Variants in RAB28 observed in about 807,000 individuals in gnomAD.
RAB28 encodes RAB28, member RAS oncogene family.
RAB28 carries 24 observed loss-of-function variants against 31.7 expected under a neutral mutation model. That is an observed-to-expected ratio of 0.76 (90% CI 0.55 to 1.06). RAB28 has a LOEUF of 1.06. Among genes scored for constraint, RAB28 ranks in the 50% least tolerant of loss-of-function variants. RAB28 has a pLI of 0.00. For missense variants in RAB28, 254 were observed against 258.5 expected, an observed-to-expected ratio of 0.98 and a Z score of 0.12; for synonymous variants, 100 against 90.4, an observed-to-expected ratio of 1.11 and a Z score of -0.60.
intron 1 of RAB28, among the ~76,000 whole-genome samples, chr4:13,480,452 T>A (rs1040429360): frequency 6.6e-6 from 1 of 151,912 alleles, no homozygotes. Flanking sequence ...ATAGCCGTTT[T>A]TTATTTTAAA....
At chr4:13,456,375 A>G (rs1271011709) in intron 4 of RAB28, among the ~76,000 whole-genome samples, 2 of 152,246 alleles carry the variant, frequency 1.3e-5, no homozygotes, top group African/African-American at 4.8e-5. Context: ...TACTTTTAGA[A>G]GGCCATTATG....
chr4:13,436,187 G>C (rs1168130580), intron 4 of RAB28, among the ~76,000 whole-genome samples: 1 of 151,990 alleles, frequency 6.6e-6, no homozygotes, highest in African/African-American at 2.4e-5. Flanking sequence ...CAACAAACTA[G>C]ACATCAAAGA....
At chr4:13,459,122 A>G (rs761875892) in intron 4 of RAB28, among the ~76,000 whole-genome samples, 3 of 152,130 alleles carry the variant, frequency 2.0e-5, no homozygotes, top group Non-Finnish European at 4.4e-5. Context: ...GCCCTCGAAC[A>G]TGAAACTCCA....
At chr4:13,467,512 A>T (rs1159512114) in intron 3 of RAB28, among the ~76,000 whole-genome samples, 1 of 151,964 alleles carries the variant, frequency 6.6e-6, no homozygotes, top group Admixed American at 6.6e-5. Flanking sequence ...CAGCCATGCC[A>T]TAAGGGACAA....
At chr4:13,449,944 T>C (rs1028567557) in intron 4 of RAB28, among the ~76,000 whole-genome samples, 1 of 151,902 alleles carries the variant, frequency 6.6e-6, no homozygotes, top group African/African-American at 2.4e-5. Flanking sequence ...ATGGATCAGA[T>C]AGTATAAAGG....
At chr4:13,395,325 G>A (rs908604976) in intron 4 of RAB28, among the ~76,000 whole-genome samples, 1 of 151,964 alleles carries the variant, frequency 6.6e-6, no homozygotes, top group African/African-American at 2.4e-5. Flanking sequence ...TGATTACACA[G>A]TTATTTAAAA....
chr4:13,475,654 C>A (rs1716328659), intron 2 of RAB28, among the ~76,000 whole-genome samples: 1 of 151,192 alleles, frequency 6.6e-6, no homozygotes, highest in South Asian at 2.1e-4. Flanking sequence ...GAGGAACTTC[C>A]ATTAGCATTA....
chr4:13,438,432 TC>T (rs1469624889), intron 4 of RAB28, among the ~76,000 whole-genome samples: 1 of 152,136 alleles, frequency 6.6e-6, no homozygotes, highest in African/African-American at 2.4e-5. Flanking sequence ...TACCTTTCCC[TC>T]CCCTTCTTGC....
chr4:13,483,925 C>A, intron 1 of RAB28, 151 bp downstream of exon 1: 2 of 681,038 alleles, frequency 2.9e-6, no homozygotes, highest in Non-Finnish European at 5.0e-6. Context: ...GCGCCCACTT[C>A]GTGTCCGGCC....
intron 4 of RAB28, among the ~76,000 whole-genome samples, chr4:13,420,478 C>T (rs991599497): frequency 1.3e-5 from 2 of 152,172 alleles, no homozygotes; most frequent in Non-Finnish European, 2.9e-5. Flanking sequence ...AGACCAATAT[C>T]CCTGATGAAC....
chr4:13,372,147 A>G (rs1406894697), intron 6 of RAB28, among the ~76,000 whole-genome samples: 2 of 152,134 alleles, frequency 1.3e-5, no homozygotes, highest in African/African-American at 4.8e-5. Context: ...TATTACAGAC[A>G]TTTAGGTAAA....
At chr4:13,455,381 T>G in intron 4 of RAB28, among the ~76,000 whole-genome samples, 1 of 152,134 alleles carries the variant, frequency 6.6e-6, no homozygotes, top group East Asian at 1.9e-4. Flanking sequence ...CTTACTTGAG[T>G]GTGGGCAGTG....
chr4:13,393,726 G>A (rs572101063), intron 4 of RAB28, among the ~76,000 whole-genome samples: 2 of 151,626 alleles, frequency 1.3e-5, no homozygotes, highest in African/African-American at 4.8e-5. Flanking sequence ...TTTAAAAATA[G>A]AAGATGGCAA....
intron 4 of RAB28, among the ~76,000 whole-genome samples, chr4:13,409,159 T>C (rs544393023): frequency 6.6e-6 from 1 of 152,256 alleles, no homozygotes; most frequent in East Asian, 1.9e-4. Context: ...CAAACAATTC[T>C]GCCTATTTCG....
chr4:13,440,170 T>C (rs1253416872), intron 4 of RAB28, among the ~76,000 whole-genome samples: 1 of 152,224 alleles, frequency 6.6e-6, no homozygotes, highest in Non-Finnish European at 1.5e-5. Flanking sequence ...AGATTCTTAA[T>C]TTATACCTCA....
chr4:13,460,678 A>T (rs201380755), intron 4 of RAB28, 21 bp downstream of exon 4: 18 of 1,613,510 alleles, frequency 1.1e-5, no homozygotes, highest in Non-Finnish European at 1.5e-5. Context: ...TACCATACAT[A>T]AACAAGCAGT....
chr4:13,483,620 A>C (rs1255723472), intron 1 of RAB28, among the ~76,000 whole-genome samples: 1 of 152,232 alleles, frequency 6.6e-6, no homozygotes, highest in Non-Finnish European at 1.5e-5. Context: ...CCGACGACTA[A>C]GTGGCAGAGC....
In RAB28 at chr4:13,460,666, T is replaced by G. The variant is rs73231522; in HGVS notation, c.391+33A>C. 30,181 of 1,613,020 alleles carry G rather than the reference T, an allele frequency of 0.019. 352 individuals are homozygous for G. The highest frequency in any genetic ancestry group is 0.045 in the Middle Eastern group (267 of 5,970). ...ATTCTGTCCACAACAGCAAGTAAAC[T>G]GTACCATACATAAACAAGCAGTAAT... On this transcript the variant is annotated intron_variant, in intron 4 of 6. Coordinates refer to ENST00000330852, the MANE Select transcript of RAB28 (RefSeq NM_001017979.3).
chr4:13,451,682 A>C (rs1380944794), intron 4 of RAB28, among the ~76,000 whole-genome samples: 2 of 151,684 alleles, frequency 1.3e-5, no homozygotes, highest in African/African-American at 4.8e-5. Context: ...TGTTTTCTCT[A>C]TGTTTCCTCT....
Sources: allele counts gnomAD v4.1 joint callset (sites outside exome capture counted in the v4.1 genomes callset), GRCh38; gene constraint gnomAD v4.1.1; transcripts MANE v1.5; gene names NCBI Gene and HGNC (gene_info 2026-07-23, HGNC 2026-07-21).